Variants in CD46 observed in about 807,000 individuals in gnomAD.
The protein encoded by CD46 is CD46 molecule.
A neutral mutation model predicts 53.3 loss-of-function variants in CD46; 30 were observed. The observed-to-expected ratio is 0.56, with a 90% CI of 0.42 to 0.76. The LOEUF is 0.76. Ranked by LOEUF, CD46 falls within the 30% of genes least tolerant of loss-of-function variation. The probability of loss-of-function intolerance (pLI) is 0.00; values close to 1 mark genes in which losing one functional copy is unlikely to be tolerated. For synonymous variants in CD46, 142 were observed against 152.0 expected (o/e 0.93, Z 0.48); for missense variants, 409 against 463.0 (o/e 0.88, Z 1.07).
intron 5 of CD46, among the ~76,000 whole-genome samples, chr1:207,764,880 TC>T (rs1571609448): frequency 6.6e-6 from 1 of 152,162 alleles, no homozygotes; most frequent in East Asian, 1.9e-4. Flanking sequence ...AAGGAATAAA[TC>T]ACAGCAATTC....
chr1:207,758,649 C>T (rs1655839938), intron 3 of CD46, among the ~76,000 whole-genome samples: 5 of 152,076 alleles, frequency 3.3e-5, no homozygotes. Context: ...TAGAGACAAA[C>T]CAGATTCAAA....
chr1:207,771,943 G>A (rs1379868011), intron 8 of CD46, among the ~76,000 whole-genome samples: 1 of 152,126 alleles, frequency 6.6e-6, no homozygotes, highest in Non-Finnish European at 1.5e-5. Context: ...GAAATTCAGT[G>A]GTAGCTTGAT....
At chr1:207,765,274 A>G (rs1656718858) in intron 5 of CD46, among the ~76,000 whole-genome samples, 1 of 152,214 alleles carries the variant, frequency 6.6e-6, no homozygotes, top group Non-Finnish European at 1.5e-5. Context: ...TTCATGATAA[A>G]ACTTCTCAGC....
chr1:207,761,276 TA>T lies in CD46; in HGVS notation c.509del (p.Asn170MetfsTer9). On this transcript the variant is annotated frameshift_variant, in exon 5 of 13. Transcript: ENST00000367042. LOFTEE classifies it high-confidence loss of function. ...GTTTTGTGTACACCACCTCCAAAAATAAAAAATGGAAAACACACCTTTAGTG... is the reference window on the plus strand; with the variant it reads ...GTTTTGTGTACACCACCTCCAAAAATAAAAATGGAAAACACACCTTTAGTG... ...EKVLCTPPPK[I>X]KNGKHTFSEV... 6.2e-7 allele frequency: 1 copy of T among 1,612,304 alleles called. No individual in the cohort carries two copies. Among genetic ancestry groups the T allele is most frequent in the Non-Finnish European group, 8.5e-7 (1 of 1,178,466 alleles).
Position 207,767,814 on chromosome 1 carries a change from A to G in CD46, c.892A>G (p.Ser298Gly), listed in dbSNP as rs747887096. Residue 298 changes from serine (S) to glycine (G), a missense_variant, in exon 7 of 13, where the codon AGT (serine) becomes GGT (glycine). Coordinates refer to ENST00000367042, the MANE Select transcript of CD46 (RefSeq NM_172351.3). ...TSSTTKSPAS[S>G]ASGPRPTYKP... ...TTCCACTACAAAATCTCCAGCGTCC[A>G]GTGCCTCAGGTTTAGTAATTTCCTG... 2 of 1,610,278 alleles carry G rather than the reference A, an allele frequency of 1.2e-6. No individual in the cohort carries two copies. The highest frequency in any genetic ancestry group is 2.7e-5 in the African/African-American group (2 of 74,850).
intron 3 of CD46, 46 bp from the exon 4 acceptor site, chr1:207,759,593 T>G: frequency 2.0e-6 from 2 of 1,024,232 alleles, no homozygotes; most frequent in Non-Finnish European, 1.5e-6. Flanking sequence ...TATGTGTGTC[T>G]TATTAATTGC....
chr1:207,757,254 C>T (rs1480220194), intron 2 of CD46, 52 bp downstream of exon 2: 1 of 1,454,336 alleles, frequency 6.9e-7, no homozygotes, highest in Non-Finnish European at 9.6e-7. Context: ...GATTTGCATA[C>T]ATTTTGGGGT....
intron 4 of CD46, 159 bp downstream of exon 4, chr1:207,759,883 A>AG: frequency 1.7e-6 from 1 of 574,654 alleles, no homozygotes; most frequent in Non-Finnish European, 3.1e-6. Flanking sequence ...TCAAACGGAG[A>AG]GGTTTTTAAA....
chr1:207,759,876 A>G (rs1305635352), intron 4 of CD46, 152 bp downstream of exon 4: 1 of 583,900 alleles, frequency 1.7e-6, no homozygotes. Flanking sequence ...TTGGAATTCA[A>G]ACGGAGAGGT....
intron 1 of CD46, among the ~76,000 whole-genome samples, chr1:207,755,209 T>C (rs1327668392): frequency 6.6e-6 from 1 of 151,488 alleles, no homozygotes; most frequent in Non-Finnish European, 1.5e-5. Flanking sequence ...CGATTTGAAA[T>C]AGAGGAACAT....
At chr1:207,761,491 A>T (rs760578194) in intron 5 of CD46, 45 bp downstream of exon 5, 3 of 1,497,946 alleles carry the variant, frequency 2.0e-6, no homozygotes, top group Non-Finnish European at 2.8e-6. Context: ...AATACTATGG[A>T]AACATTTTGT....
chr1:207,757,984 T>A (rs1265152310), intron 3 of CD46, among the ~76,000 whole-genome samples: 1 of 152,154 alleles, frequency 6.6e-6, no homozygotes, highest in Non-Finnish European at 1.5e-5. Context: ...AAATGAGAAA[T>A]AGAATTGCCA....
intron 5 of CD46, among the ~76,000 whole-genome samples, chr1:207,763,678 A>AT (rs540567131): frequency 1.1e-4 from 16 of 150,662 alleles, no homozygotes; most frequent in South Asian, 1.1e-3. Context: ...AATATTTTTT[A>AT]TTTTTTTTCA....
chr1:207,790,237 C>T lies in CD46; in HGVS notation c.1083-16C>T. On this transcript the variant is annotated splice_polypyrimidine_tract_variant and intron_variant, in intron 11 of 12. Coordinates refer to ENST00000367042, the MANE Select transcript of CD46 (RefSeq NM_172351.3). ...AGTCACTATTTTATTCAGCCGTTTTCTCTTCCTCTGTTCAGCACATACCTA... is the reference window on the plus strand; with the variant it reads ...AGTCACTATTTTATTCAGCCGTTTTTTCTTCCTCTGTTCAGCACATACCTA... The T allele has an allele frequency of 7.2e-7, 1 of 1,387,214 alleles. No homozygotes were observed. The highest frequency in any genetic ancestry group is 1.0e-6 in the Non-Finnish European group (1 of 973,200). The allele number at this position is 1,387,214 out of a possible 1,614,324, so 85.9% of individuals were successfully genotyped here. A position where few individuals can be genotyped will look rare whatever the true frequency, so the allele number is the denominator to read the frequency against.
At position 207,752,232 on chromosome 1, in the gene CD46, G is replaced by A; in HGVS notation, c.20G>A (p.Arg7His). 1 of 1,614,030 alleles carries A rather than the reference G, an allele frequency of 6.2e-7. No homozygotes were observed. Among genetic ancestry groups the A allele is most frequent in the South Asian group, 1.1e-5 (1 of 91,090 alleles). Reference protein sequence around the residue: MEPPGRRECPFPSWRFP... With the variant: MEPPGRHECPFPSWRFP... ...CCGCGCATGGAGCCTCCCGGCCGCC[G>A]CGAGTGTCCCTTTCCTTCCTGGCGC... Residue 7 changes from arginine (R) to histidine (H), a missense_variant, in exon 1 of 13, where the codon CGC becomes CAC. By Grantham distance (29) the Arg-to-His change is conservative. Coordinates refer to ENST00000367042, the MANE Select transcript of CD46 (RefSeq NM_172351.3). The surrounding 1 kb of genome is among the most constrained non-coding windows in gnomAD (Gnocchi z 4.1).
chr1:207,779,834 A>G (rs1658531436), intron 8 of CD46, among the ~76,000 whole-genome samples: 1 of 149,392 alleles, frequency 6.7e-6, no homozygotes, highest in Admixed American at 6.7e-5. Context: ...TTTGTATCAT[A>G]CATTGCATTC....
rs1571713521 is a variant in CD46, at chr1:207,793,837, G to A, written c.*360G>A. ...TGGACCAGTCAGCACAGCATGCCTG[G>A]TTGTATTAAAGCAGGGATATGCTGT... is the stretch of plus-strand genomic sequence containing the variant. On this transcript the variant is annotated 3_prime_UTR_variant, in exon 13 of 13. Transcript: ENST00000367042. The A allele has an allele frequency of 4.0e-6, 2 of 505,048 alleles. No individual in the cohort carries two copies. The highest frequency in any genetic ancestry group is 5.2e-5 in the South Asian group (2 of 38,130). The allele number at this position is 505,048 out of a possible 1,614,324, so 31.3% of individuals were successfully genotyped here. A position where few individuals can be genotyped will look rare whatever the true frequency, so the allele number is the denominator to read the frequency against.
rs1451008626 is a variant in CD46 at position 207,770,484 on chromosome 1, A to G, written c.943+122A>G. ...TTTGTTACATAGGTATACGTGTGCC[A>G]TGTTGGTTTGCTGCACCCATCAACT... On this transcript the variant is annotated intron_variant, in intron 8 of 12. Transcript: ENST00000367042. 8.4e-6 allele frequency: 6 copies of G among 714,350 alleles called. No homozygotes were observed. The African/African-American group carries it at 1.1e-4, about 13-fold the overall frequency. The allele number at this position is 714,350 out of a possible 1,614,324, so 44.3% of individuals were successfully genotyped here.
rs148190248 is a variant in CD46, at chr1:207,774,817, T to C, written c.943+4455T>C. Among the ~76,000 whole-genome samples, 8 of 152,322 alleles carry C rather than the reference T, an allele frequency of 5.3e-5. No homozygotes were observed. In the East Asian group the frequency reaches 1.5e-3, roughly 29 times the overall value. ...CTTTCTCTCTGGCTGCCCTTAACAT[T>C]TTTTTCCTTCGTTTCAACCTTGGTG... On this transcript the variant is annotated intron_variant, in intron 8 of 12. Transcript: ENST00000367042.
Sources: gnomAD v4.1 joint callset for allele counts (sites outside exome capture counted in the v4.1 genomes callset) on GRCh38, gnomAD v4.1.1 for gene constraint, Gnocchi (gnomAD v3.1) non-coding constraint, MANE v1.5 for transcripts, NCBI Gene and HGNC (gene_info 2026-07-23, HGNC 2026-07-21) for gene names.